Variants in EIF4G3 observed in about 807,000 individuals in gnomAD.
The protein encoded by EIF4G3 is eukaryotic translation initiation factor 4 gamma 3, also known as eIF-4-gamma 3.
In EIF4G3, 34 loss-of-function variants were observed where a neutral mutation model predicts 186.4. The ratio of observed to expected loss-of-function variants is 0.18; its 90% CI spans 0.14 to 0.24. The LOEUF (loss-of-function observed/expected upper bound fraction) is 0.24. Ranked by LOEUF, EIF4G3 falls within the 10% of genes least tolerant of loss-of-function variation. The pLI is 1.00. For missense variants in EIF4G3, 1,536 were observed against 1,948.5 expected (o/e 0.79, Z 3.99); for synonymous variants, 673 against 679.5 (o/e 0.99, Z 0.15).
intron 13 of EIF4G3, among the ~76,000 whole-genome samples, chr1:20,948,375 A>G (rs750201329): frequency 2.6e-5 from 4 of 152,194 alleles, no homozygotes; most frequent in Non-Finnish European, 5.9e-5. Flanking sequence ...TTAACTCAAA[A>G]TGTTGCTGAA....
chr1:21,167,656 G>A (rs2097880194), intron 2 of EIF4G3, among the ~76,000 whole-genome samples: 1 of 152,170 alleles, frequency 6.6e-6, no homozygotes, highest in Non-Finnish European at 1.5e-5. Context: ...TACTCAGGAG[G>A]CTGAGGCAGG....
intron 18 of EIF4G3, chr1:20,892,692 A>C (rs1309836568): frequency 6.5e-7 from 1 of 1,536,120 alleles, no homozygotes; most frequent in Non-Finnish European, 8.7e-7. Flanking sequence ...GCTCTGTTCC[A>C]GAATTGGCAA....
intron 14 of EIF4G3, among the ~76,000 whole-genome samples, chr1:20,905,799 G>A (rs112111855): frequency 1.1e-3 from 164 of 152,262 alleles, no homozygotes; most frequent in African/African-American, 3.9e-3. Flanking sequence ...ACTATAGAAG[G>A]ATGAACAAGG....
chr1:20,856,526 G>C (rs1322835693), intron 25 of EIF4G3, among the ~76,000 whole-genome samples: 4 of 152,140 alleles, frequency 2.6e-5, no homozygotes, highest in Admixed American at 2.6e-4. Flanking sequence ...TCCTTACAAT[G>C]ATCAACTTTT....
intron 4 of EIF4G3, among the ~76,000 whole-genome samples, chr1:21,042,252 A>G (rs933091930): frequency 2.6e-5 from 4 of 152,186 alleles, no homozygotes; most frequent in Non-Finnish European, 5.9e-5. Context: ...TGCTGGGATT[A>G]TAAGCAAGAG....
At chr1:21,030,135 A>C (rs1248840089) in intron 4 of EIF4G3, among the ~76,000 whole-genome samples, 1 of 152,130 alleles carries the variant, frequency 6.6e-6, no homozygotes. Context: ...CAACCTCCCA[A>C]AGTGCTGGAA....
chr1:21,085,890 C>T (rs573060616), intron 3 of EIF4G3, among the ~76,000 whole-genome samples: 20 of 152,216 alleles, frequency 1.3e-4, no homozygotes, highest in African/African-American at 4.6e-4. Context: ...GATGGGGTTT[C>T]ACCATGTTGG....
At chr1:21,120,519 T>A (rs954913354) in intron 2 of EIF4G3, among the ~76,000 whole-genome samples, 1 of 151,210 alleles carries the variant, frequency 6.6e-6, no homozygotes, top group Non-Finnish European at 1.5e-5. Flanking sequence ...TCCCAGCTAC[T>A]TGAGCAGAAG....
At chr1:20,953,326 A>G (rs191177326) in intron 12 of EIF4G3, among the ~76,000 whole-genome samples, 1 of 152,228 alleles carries the variant, frequency 6.6e-6, no homozygotes, top group Non-Finnish European at 1.5e-5. Context: ...GAAAAAAAAT[A>G]AAGTGTTTCT....
At chr1:21,168,877 T>C (rs1270660577) in intron 2 of EIF4G3, among the ~76,000 whole-genome samples, 1 of 150,592 alleles carries the variant, frequency 6.6e-6, no homozygotes, top group Non-Finnish European at 1.5e-5. Context: ...TACACCAAAA[T>C]GTTAAAAGTG....
chr1:21,032,562 T>TA (rs879619132), intron 4 of EIF4G3, among the ~76,000 whole-genome samples: 132 of 145,242 alleles, frequency 9.1e-4, no homozygotes, highest in Middle Eastern at 3.4e-3. Context: ...TTTCAGCCAT[T>TA]AAAAAAAAAA....
intron 10 of EIF4G3, among the ~76,000 whole-genome samples, chr1:20,977,663 A>G (rs1288052156): frequency 6.6e-6 from 1 of 152,178 alleles, no homozygotes; most frequent in East Asian, 1.9e-4. Context: ...CATATCTATG[A>G]AAGGGAACAG....
chr1:21,002,661 C>T (rs761146207), intron 5 of EIF4G3, 52 bp downstream of exon 5: 1 of 1,582,126 alleles, frequency 6.3e-7, no homozygotes, highest in South Asian at 1.2e-5. Flanking sequence ...AGCCACTACA[C>T]ACACAAACAC....
rs200959701 is a variant in EIF4G3 at position 20,886,375 on chromosome 1, G to C, written c.2254-4C>G. The C allele has an allele frequency of 3.7e-5, 60 of 1,612,258 alleles. No homozygotes were observed. The highest frequency in any genetic ancestry group is 5.1e-5 in the Non-Finnish European group (60 of 1,179,436). On this transcript the variant is annotated splice_region_variant and splice_polypyrimidine_tract_variant and intron_variant, in intron 18 of 36. Transcript: ENST00000602326. ...TTCGTGACCCAACATTCAACAACTAGGACAAGAATATTACAGCTATTCAGA... is the reference window on the plus strand; with the variant it reads ...TTCGTGACCCAACATTCAACAACTACGACAAGAATATTACAGCTATTCAGA...
chr1:20,815,533 C>A (rs1423535927), intron 34 of EIF4G3, among the ~76,000 whole-genome samples: 3 of 151,702 alleles, frequency 2.0e-5, no homozygotes, highest in Admixed American at 6.6e-5. Context: ...AGTGAGGAAA[C>A]CCTCTGCCTG....
chr1:20,891,495 G>C (rs751646895), intron 18 of EIF4G3, among the ~76,000 whole-genome samples: 1 of 151,888 alleles, frequency 6.6e-6, no homozygotes, highest in Non-Finnish European at 1.5e-5. Flanking sequence ...AAAATGGGCC[G>C]GGCACAGTGG....
intron 2 of EIF4G3, among the ~76,000 whole-genome samples, chr1:21,164,232 C>T: frequency 6.6e-6 from 1 of 152,158 alleles, no homozygotes; most frequent in East Asian, 1.9e-4. Flanking sequence ...CACAGGACAG[C>T]AAAACAGTCA....
At chr1:21,060,728 G>A (rs567308529) in intron 3 of EIF4G3, among the ~76,000 whole-genome samples, 2 of 142,336 alleles carry the variant, frequency 1.4e-5, no homozygotes, top group African/African-American at 2.6e-5. Context: ...GATCATGCCT[G>A]TGAAAAGCCA....
intron 2 of EIF4G3, among the ~76,000 whole-genome samples, chr1:21,125,769 T>TAC (rs1474018412): frequency 2.5e-3 from 287 of 114,494 alleles, no homozygotes; most frequent in African/African-American, 8.3e-3. Context: ...TTTATATATA[T>TAC]ATACACACAC....
Sources: allele counts gnomAD v4.1 joint callset (sites outside exome capture counted in the v4.1 genomes callset), GRCh38; gene constraint gnomAD v4.1.1; transcripts MANE v1.5; gene names NCBI Gene and HGNC (gene_info 2026-07-23, HGNC 2026-07-21).